Variants in CDH18 observed in about 807,000 individuals in gnomAD.
CDH18 encodes the protein cadherin 18.
CDH18 carries 31 observed loss-of-function variants against 67.9 expected under a neutral mutation model. The ratio of observed to expected loss-of-function variants is 0.46; its 90% CI spans 0.34 to 0.62. The LOEUF (loss-of-function observed/expected upper bound fraction) is 0.62, where lower values mean the gene tolerates loss of function less well. Ranked by LOEUF, CDH18 falls within the 20% of genes least tolerant of loss-of-function variation. CDH18 has a pLI of 0.01. For synonymous variants in CDH18, 362 were observed against 347.2 expected (o/e 1.04, Z -0.48); for missense variants, 890 against 975.5 (o/e 0.91, Z 1.17).
rs193182222 is a variant in CDH18, at chr5:20,419,089, T to G, written c.-580+156373A>C. Among the ~76,000 whole-genome samples the G allele has an allele frequency of 1.4e-3, 217 of 152,148 alleles. 1 individual carries two copies. Among genetic ancestry groups the G allele is most frequent in the African/African-American group, 5.1e-3 (211 of 41,518 alleles). On this transcript the variant is annotated intron_variant, in intron 1 of 14. Transcript: ENST00000507958. ...GTGGGTGGGACCCATGCGGAGGTAATTGAATCAAGGGGACTTTCCGGTGCT... is the reference window on the plus strand; with the variant it reads ...GTGGGTGGGACCCATGCGGAGGTAAGTGAATCAAGGGGACTTTCCGGTGCT...
At chr5:20,494,111 AAAAC>A (rs1227326090) in intron 1 of CDH18, among the ~76,000 whole-genome samples, 11 of 152,106 alleles carry the variant, frequency 7.2e-5, no homozygotes, top group Non-Finnish European at 1.3e-4. Flanking sequence ...CAAACAAATA[AAAAC>A]AAACAAACAG....
At chr5:20,172,099 C>A (rs1023494223) in intron 2 of CDH18, among the ~76,000 whole-genome samples, 6 of 146,426 alleles carry the variant, frequency 4.1e-5, no homozygotes, top group Non-Finnish European at 9.0e-5. Flanking sequence ...ATTGCCTAGT[C>A]CCCCACCCTA....
chr5:20,320,553 TTC>T (rs1324198972), intron 1 of CDH18, among the ~76,000 whole-genome samples: 2 of 152,206 alleles, frequency 1.3e-5, no homozygotes, highest in Non-Finnish European at 1.5e-5. Flanking sequence ...GTCACTCTCT[TTC>T]TAAAATAGCT....
intron 1 of CDH18, among the ~76,000 whole-genome samples, chr5:20,470,721 C>T (rs989559486): frequency 1.6e-4 from 25 of 152,298 alleles, no homozygotes; most frequent in African/African-American, 5.3e-4. Flanking sequence ...AGTCTCTCCT[C>T]CTTTTGACAA....
rs181184082 is a variant in CDH18, at chr5:20,176,962, T to C, written c.-518+78482A>G. Among the ~76,000 whole-genome samples the C allele has an allele frequency of 1.3e-3, 198 of 152,318 alleles. 1 individual carries two copies. The highest frequency in any genetic ancestry group is 0.01 in the Middle Eastern group (3 of 294). On this transcript the variant is annotated intron_variant, in intron 2 of 14. Transcript: ENST00000507958. ...TATTAAAAACCAACAGAAATGTTTT[T>C]TCTCTGATATTATAACAGAGAATTA...
At chr5:19,757,763 C>T (rs897728582) in intron 3 of CDH18, among the ~76,000 whole-genome samples, 1 of 152,170 alleles carries the variant, frequency 6.6e-6, no homozygotes, top group Non-Finnish European at 1.5e-5. Context: ...TCCAGACAAA[C>T]CATAGGCTAC....
chr5:19,618,321 T>A (rs998063257), intron 5 of CDH18, among the ~76,000 whole-genome samples: 1 of 151,892 alleles, frequency 6.6e-6, no homozygotes, highest in Non-Finnish European at 1.5e-5. Context: ...TTCCCCTGCG[T>A]TCGCTTCCTG....
At chr5:20,323,907 A>T (rs989053480) in intron 1 of CDH18, among the ~76,000 whole-genome samples, 2 of 152,196 alleles carry the variant, frequency 1.3e-5, no homozygotes, top group African/African-American at 4.8e-5. Context: ...AAAGTTCATA[A>T]CAGAATATTC....
At position 20,212,689 on chromosome 5, in the gene CDH18, G is replaced by A. The variant is rs371553233; in HGVS notation, c.-518+42755C>T. The stretch of plus-strand genomic sequence containing the variant: ...TCCGGCCGAACTAAGCTTCATAAGT[G>A]AAGGTTAGAAAAGAAAAAAAAAAAC... On this transcript the variant is annotated intron_variant, in intron 2 of 14. Coordinates refer to the CDH18 transcript ENST00000507958. Among the ~76,000 whole-genome samples the A allele has an allele frequency of 5.9e-4, 89 of 150,704 alleles. No homozygotes were observed. The South Asian group carries it at 0.016, about 28-fold the overall frequency.
chr5:19,754,375 A>C (rs1024212185), intron 3 of CDH18, among the ~76,000 whole-genome samples: 2 of 152,170 alleles, frequency 1.3e-5, no homozygotes, highest in East Asian at 3.9e-4. Flanking sequence ...TTATATCAGA[A>C]AAAGACAAAC....
intron 1 of CDH18, among the ~76,000 whole-genome samples, chr5:20,527,203 G>A (rs1056484873): frequency 2.0e-5 from 3 of 151,816 alleles, no homozygotes; most frequent in Non-Finnish European, 4.4e-5. Context: ...AGGCAGACAA[G>A]ACTAGAGAAA....
chr5:20,037,688 C>T (rs188521030), intron 2 of CDH18, among the ~76,000 whole-genome samples: 266 of 152,030 alleles, frequency 1.7e-3, no homozygotes, highest in Middle Eastern at 6.8e-3. Context: ...AGAATCTCTG[C>T]GACACAGCTA....
rs554697230 is a variant in CDH18 at position 20,045,702 on chromosome 5, C to T, written c.-517-53688G>A. Among the ~76,000 whole-genome samples, 5 of 151,958 alleles carry T rather than the reference C, an allele frequency of 3.3e-5. No individual in the cohort carries two copies. In the East Asian group the frequency reaches 7.7e-4, roughly 24 times the overall value. Reference sequence around the variant, plus strand: ...GGATTGGTATTGTTTTGGATAGTGTCATTAAGATCCTCTCACCTGAGAAGA... The same window carrying T: ...GGATTGGTATTGTTTTGGATAGTGTTATTAAGATCCTCTCACCTGAGAAGA... On this transcript the variant is annotated intron_variant, in intron 2 of 14. Transcript: ENST00000507958.
At chr5:19,777,680 A>G (rs1047091142) in intron 3 of CDH18, among the ~76,000 whole-genome samples, 2 of 152,232 alleles carry the variant, frequency 1.3e-5, no homozygotes, top group African/African-American at 4.8e-5. Flanking sequence ...AGAATTGCCA[A>G]ATAAATATCT....
chr5:20,429,539 C>T (rs966985606), intron 1 of CDH18, among the ~76,000 whole-genome samples: 6 of 152,082 alleles, frequency 3.9e-5, no homozygotes, highest in Non-Finnish European at 7.4e-5. Flanking sequence ...TTTTGTCATA[C>T]TGTCTTTCCC....
intron 5 of CDH18, among the ~76,000 whole-genome samples, chr5:19,702,148 C>CTTTTTTTT (rs70950086): frequency 8.7e-6 from 1 of 114,888 alleles, no homozygotes; most frequent in Non-Finnish European, 1.7e-5. Context: ...CTTTCTCTCT[C>CTTTTTTTT]TTTTTTTTTT....
intron 2 of CDH18, among the ~76,000 whole-genome samples, chr5:20,221,996 A>C (rs1741264006): frequency 6.6e-6 from 1 of 152,102 alleles, no homozygotes; most frequent in African/African-American, 2.4e-5. Context: ...CTTTTCATCA[A>C]TGCTCAAAGC....
At chr5:20,262,810 A>G (rs1294158228) in intron 1 of CDH18, among the ~76,000 whole-genome samples, 5 of 152,016 alleles carry the variant, frequency 3.3e-5, no homozygotes, top group African/African-American at 1.2e-4. Flanking sequence ...TTAAGTAATT[A>G]ATTGATTTGA....
chr5:19,630,529 T>A (rs1752273190), intron 5 of CDH18, among the ~76,000 whole-genome samples: 3 of 152,056 alleles, frequency 2.0e-5, no homozygotes. Context: ...GGCTTGTATT[T>A]TGTCAGGTGG....
Sources: gnomAD v4.1 joint callset for allele counts (sites outside exome capture counted in the v4.1 genomes callset) on GRCh38, gnomAD v4.1.1 for gene constraint, MANE v1.5 for transcripts, NCBI Gene and HGNC (gene_info 2026-07-23, HGNC 2026-07-21) for gene names.